The following LIG1 variants were observed in gnomAD, a reference collection of about 807,000 sequenced individuals.
The protein encoded by LIG1 is DNA ligase 1, also known as ligase I, DNA, ATP-dependent.
LIG1 carries 70 observed loss-of-function variants against 115.7 expected under a neutral mutation model. The observed-to-expected ratio is 0.60, with a 90% CI of 0.50 to 0.74. The LOEUF (loss-of-function observed/expected upper bound fraction) is 0.74. LIG1 is among the 30% of genes least tolerant of loss of function. LIG1 has a pLI of 0.00. For synonymous variants in LIG1, 487 were observed against 495.3 expected (o/e 0.98, Z 0.22); for missense variants, 1,115 against 1,225.6 (o/e 0.91, Z 1.35).
Position 48,150,060 on chromosome 19 carries a change from G to A in LIG1, c.697+28C>T, listed in dbSNP as rs1307036309. The stretch of plus-strand genomic sequence containing the variant: ...CCAGCCTCCTGCCTGTACAACCCCG[G>A]GAGGTGGGGTGAGCAAGGGAAACTC... On this transcript the variant is annotated intron_variant, in intron 8 of 27. Coordinates refer to ENST00000263274, the MANE Select transcript of LIG1 (RefSeq NM_000234.3). The A allele has an allele frequency of 2.5e-6, 4 of 1,613,946 alleles. No homozygotes were observed. In the African/African-American group the frequency reaches 4.0e-5, roughly 16 times the overall value.
At chr19:48,117,809 A>G in intron 25 of LIG1, 28 bp from the exon 26 acceptor site, 1 of 1,609,738 alleles carries the variant, frequency 6.2e-7, no homozygotes. Flanking sequence ...AGAGAGGAAC[A>G]GAGGGTCTGG....
At chr19:48,141,357 C>T (rs1219309863) in intron 11 of LIG1, among the ~76,000 whole-genome samples, 2 of 152,132 alleles carry the variant, frequency 1.3e-5, no homozygotes, top group Admixed American at 1.3e-4. Flanking sequence ...GTCTCGAACT[C>T]CTGACCTCAA....
At chr19:48,151,465 T>A (rs2035471272) in intron 6 of LIG1, 126 bp from the exon 7 acceptor site, 1 of 690,462 alleles carries the variant, frequency 1.4e-6, no homozygotes, top group Admixed American at 2.0e-5. Context: ...GTTTCGTTCT[T>A]ACCGCCCAGG....
chr19:48,163,158 T>C (rs1480921181), intron 2 of LIG1, among the ~76,000 whole-genome samples: 2 of 151,904 alleles, frequency 1.3e-5, no homozygotes, highest in African/African-American at 4.8e-5. Context: ...CCTTAGGTGA[T>C]CCACCCACCC....
At chr19:48,123,776 G>T (rs1453239407) in intron 21 of LIG1, among the ~76,000 whole-genome samples, 1 of 151,336 alleles carries the variant, frequency 6.6e-6, no homozygotes, top group Non-Finnish European at 1.5e-5. Flanking sequence ...CATCACAAGA[G>T]ATCCACCCAC....
At position 48,133,015 on chromosome 19, in the gene LIG1, G is replaced by T. The variant is rs55817698; in HGVS notation, c.1692C>A (p.Thr564=). 6.2e-7 allele frequency: 1 copy of T among 1,613,892 alleles called. No homozygotes were observed. Among genetic ancestry groups the T allele is most frequent in the African/African-American group, 1.3e-5 (1 of 74,910 alleles). Residue 564 remains threonine, a synonymous_variant, in exon 18 of 28, where the codon ACC becomes ACA. Coordinates refer to ENST00000263274, the MANE Select transcript of LIG1 (RefSeq NM_000234.3). The part of the protein sequence containing the change: ...VLKRFEEAAF[T]CEYKYDGQRA... ...TCTGCCCGTCATATTTGTATTCGCA[G>T]GTGAAAGCTGCCTCCTCAAAGCGTT... is the stretch of plus-strand genomic sequence containing the variant.
intron 26 of LIG1, among the ~76,000 whole-genome samples, chr19:48,117,179 A>G (rs1040885593): frequency 2.6e-5 from 4 of 151,570 alleles, no homozygotes; most frequent in Non-Finnish European, 5.9e-5. Context: ...TCTTTTTTTG[A>G]GACAGAGTCT....
chr19:48,123,343 AG>A lies in LIG1; in HGVS notation c.2005-26del, dbSNP rs765248612. 7.5e-6 allele frequency: 12 copies of A among 1,610,348 alleles called. 1 individual carries two copies. In the South Asian group the frequency reaches 1.3e-4, roughly 18 times the overall value. On this transcript the variant is annotated intron_variant, in intron 21 of 27. Coordinates refer to ENST00000263274, the MANE Select transcript of LIG1 (RefSeq NM_000234.3). ...ACTGCAGGGCCGGCAGGGAGAAGAG[AG>A]ATGAGACATCTTTGTGAGAATAAAG...
chr19:48,128,002 T>C lies in LIG1; in HGVS notation c.1840A>G (p.Thr614Ala), dbSNP rs2033784191. Residue 614 changes from threonine (T) to alanine (A), a missense_variant, in exon 20 of 28, where the codon ACA (threonine) becomes GCA (alanine). Physicochemically the swap from Thr to Ala is moderately conservative, Grantham distance 58 (BLOSUM62 0). Transcript: ENST00000263274. ...GCTTCGGTGTCCAGGATGAAGGATGTGACCGATGGGAGTTTAATCTGAAAA... is the reference window on the plus strand; with the variant it reads ...GCTTCGGTGTCCAGGATGAAGGATGCGACCGATGGGAGTTTAATCTGAAAA... The part of the protein sequence containing the change: ...RIPKIKLPSV[T>A]SFILDTEAVA... 1.2e-6 allele frequency: 2 copies of C among 1,614,088 alleles called. No homozygotes were observed. The highest frequency in any genetic ancestry group is 1.7e-6 in the Non-Finnish European group (2 of 1,179,978).
chr19:48,167,985 G>C (rs1278371989), intron 1 of LIG1, among the ~76,000 whole-genome samples: 7 of 152,104 alleles, frequency 4.6e-5, no homozygotes, highest in Middle Eastern at 3.2e-3. Flanking sequence ...AATCCTGAGG[G>C]CAAAGGAGAA....
intron 21 of LIG1, among the ~76,000 whole-genome samples, chr19:48,126,744 A>T (rs2033693801): frequency 6.6e-6 from 1 of 151,646 alleles, no homozygotes; most frequent in South Asian, 2.1e-4. Flanking sequence ...AAATAATATT[A>T]ATTTTTTTTT....
chr19:48,160,457 C>A (rs758164219), intron 4 of LIG1, among the ~76,000 whole-genome samples: 2 of 151,960 alleles, frequency 1.3e-5, no homozygotes, highest in Admixed American at 6.6e-5. Context: ...ATGTGATGGG[C>A]GGGGGAAGAG....
chr19:48,119,825 G>A (rs2033144434), intron 24 of LIG1, among the ~76,000 whole-genome samples: 1 of 152,174 alleles, frequency 6.6e-6, no homozygotes, highest in African/African-American at 2.4e-5. Context: ...TTACAGGCGT[G>A]AGTGGCCATG....
chr19:48,156,919 A>C, intron 5 of LIG1, 95 bp downstream of exon 5: 1 of 1,205,266 alleles, frequency 8.3e-7, no homozygotes, highest in Non-Finnish European at 1.1e-6. Context: ...AGCCTAGGCA[A>C]CAGAGCGAGA....
chr19:48,118,019 G>A, intron 25 of LIG1: 1 of 574,296 alleles, frequency 1.7e-6, no homozygotes, highest in Non-Finnish European at 3.1e-6. Context: ...GAAGTAAAAA[G>A]TTGAGAAAGG....
At chr19:48,149,553 C>T (rs2035336175) in intron 9 of LIG1, among the ~76,000 whole-genome samples, 1 of 152,244 alleles carries the variant, frequency 6.6e-6, no homozygotes, top group African/African-American at 2.4e-5. Context: ...GACCCTGGAC[C>T]GTTTCTACAG....
intron 4 of LIG1, among the ~76,000 whole-genome samples, chr19:48,158,908 C>G (rs976253306): frequency 6.6e-6 from 1 of 152,174 alleles, no homozygotes; most frequent in Non-Finnish European, 1.5e-5. Flanking sequence ...GGTCACTGCA[C>G]CCCACAGTTG....
intron 24 of LIG1, chr19:48,120,423 T>C (rs1471025756): frequency 1.1e-5 from 11 of 985,310 alleles, no homozygotes; most frequent in African/African-American, 1.7e-5. Flanking sequence ...CAAATGTCAC[T>C]ACTGCGTGTC....
At chr19:48,161,562 G>C in intron 3 of LIG1, 55 bp from the exon 4 acceptor site, 1 of 1,591,448 alleles carries the variant, frequency 6.3e-7, no homozygotes, top group Non-Finnish European at 8.6e-7. Context: ...GCAGAGTGGG[G>C]GCACTGCCCG....
Sources: gnomAD v4.1 joint callset for allele counts (sites outside exome capture counted in the v4.1 genomes callset) on GRCh38, gnomAD v4.1.1 for gene constraint, MANE v1.5 for transcripts, NCBI Gene and HGNC (gene_info 2026-07-23, HGNC 2026-07-21) for gene names.